Variants in TAOK1 observed in about 807,000 individuals in gnomAD.
TAOK1 encodes serine/threonine-protein kinase TAO1.
Under a neutral mutation model 138.3 loss-of-function variants are expected in TAOK1, and 21 were observed. The ratio of observed to expected loss-of-function variants is 0.15; its 90% CI spans 0.11 to 0.22. The LOEUF is 0.22. Ranked by LOEUF, TAOK1 falls within the 10% of genes least tolerant of loss-of-function variation. TAOK1 has a pLI of 1.00. For missense variants in TAOK1, 651 were observed against 1,227.7 expected, an observed-to-expected ratio of 0.53 and a Z score of 7.02; for synonymous variants, 361 against 398.4, an observed-to-expected ratio of 0.91 and a Z score of 1.12.
At chr17:29,439,193 TTC>T (rs1047947450) in intron 1 of TAOK1, among the ~76,000 whole-genome samples, 1 of 127,866 alleles carries the variant, frequency 7.8e-6, no homozygotes, top group African/African-American at 3.6e-5. Context: ...TCATGATAAT[TTC>T]TTTCTTTTTT....
At chr17:29,461,309 T>A (rs1381432385) in intron 2 of TAOK1, among the ~76,000 whole-genome samples, 1 of 152,348 alleles carries the variant, frequency 6.6e-6, no homozygotes, top group East Asian at 1.9e-4. Context: ...TGGTTATTCA[T>A]GAGAATGTTC....
intron 2 of TAOK1, among the ~76,000 whole-genome samples, chr17:29,452,542 T>G (rs2030266284): frequency 6.6e-6 from 1 of 152,192 alleles, no homozygotes; most frequent in Admixed American, 6.6e-5. Flanking sequence ...TTTTAATTAT[T>G]TTTTAACATT....
chr17:29,401,260 T>C (rs141743727), intron 1 of TAOK1, among the ~76,000 whole-genome samples: 7 of 152,250 alleles, frequency 4.6e-5, no homozygotes, highest in East Asian at 3.9e-4. Context: ...TACACTGTTA[T>C]AAAGACATAC....
At chr17:29,492,828 G>A (rs1364089302) in intron 10 of TAOK1, among the ~76,000 whole-genome samples, 7 of 151,816 alleles carry the variant, frequency 4.6e-5, no homozygotes, top group Non-Finnish European at 1.0e-4. Context: ...AAGGTTTTAT[G>A]TTTTTGGATG....
At chr17:29,509,278 T>G (rs766691890) in intron 14 of TAOK1, among the ~76,000 whole-genome samples, 63 of 152,266 alleles carry the variant, frequency 4.1e-4, no homozygotes, top group Non-Finnish European at 7.3e-4. Context: ...CAAACAATTC[T>G]CCTGCCTCAG....
At chr17:29,525,243 G>T (rs1225432440) in intron 17 of TAOK1, among the ~76,000 whole-genome samples, 1 of 151,008 alleles carries the variant, frequency 6.6e-6, no homozygotes. Flanking sequence ...CTCCCAAGTA[G>T]CTGGGATTAC....
chr17:29,458,866 A>AATTTAT (rs2030461515), intron 2 of TAOK1, among the ~76,000 whole-genome samples: 1 of 151,552 alleles, frequency 6.6e-6, no homozygotes, highest in Non-Finnish European at 1.5e-5. Context: ...AGGTAATTTT[A>AATTTAT]TTTTATTTTT....
chr17:29,419,163 C>T (rs1437330145), intron 1 of TAOK1, among the ~76,000 whole-genome samples: 1 of 151,898 alleles, frequency 6.6e-6, no homozygotes, highest in African/African-American at 2.4e-5. Flanking sequence ...ATCGTGCACA[C>T]ATTTGTTAGA....
intron 1 of TAOK1, among the ~76,000 whole-genome samples, chr17:29,435,509 TTGAAACACCTA>T (rs566663394): frequency 1.3e-3 from 194 of 152,294 alleles, no homozygotes; most frequent in African/African-American, 4.5e-3. Context: ...AGATAAGACC[TTGAAACACCTA>T]TGAGTTGGGT....
chr17:29,453,831 G>C (rs1328504864), intron 2 of TAOK1, among the ~76,000 whole-genome samples: 1 of 144,674 alleles, frequency 6.9e-6, no homozygotes, highest in African/African-American at 2.6e-5. Flanking sequence ...TTTGAGACAG[G>C]GTCTCTCACT....
rs1197400284 is a variant in TAOK1 at position 29,547,775 on chromosome 17, AT to A, written c.*4755del. 6.6e-6 allele frequency: 1 copy of A among 152,062 alleles called. No homozygotes were observed. Among genetic ancestry groups the A allele is most frequent in the Non-Finnish European group, 1.5e-5 (1 of 67,976 alleles). 9.4% of individuals were successfully genotyped at this position (152,062 alleles called of 1,614,324 possible). Reference sequence around the variant, plus strand: ...ATAGTGCCCCCAACCAGGTTGTAGCATTGCCTTTTAAAAGAGACTCACTCAC... The same window carrying A: ...ATAGTGCCCCCAACCAGGTTGTAGCATGCCTTTTAAAAGAGACTCACTCAC... On this transcript the variant is annotated 3_prime_UTR_variant, in exon 20 of 20. Transcript: ENST00000261716.
chr17:29,503,437 TA>T, intron 13 of TAOK1, among the ~76,000 whole-genome samples: 1 of 143,642 alleles, frequency 7.0e-6, no homozygotes, highest in South Asian at 2.3e-4. Context: ...AGTAAGGAAA[TA>T]TATTATGTGG....
intron 11 of TAOK1, among the ~76,000 whole-genome samples, chr17:29,497,802 T>G (rs915998722): frequency 6.6e-6 from 1 of 151,798 alleles, no homozygotes; most frequent in Non-Finnish European, 1.5e-5. Context: ...AAAGGCTGAT[T>G]TAATAAAGAA....
At chr17:29,495,385 G>A (rs1483760809) in intron 10 of TAOK1, among the ~76,000 whole-genome samples, 175 bp from the exon 11 acceptor site, 1 of 152,108 alleles carries the variant, frequency 6.6e-6, no homozygotes, top group Non-Finnish European at 1.5e-5. Flanking sequence ...AGTTATGTAT[G>A]CACAGAGTAT....
chr17:29,489,830 T>C (rs2031259405), intron 9 of TAOK1, 73 bp downstream of exon 9: 1 of 1,128,910 alleles, frequency 8.9e-7, no homozygotes, highest in Non-Finnish European at 1.3e-6. Flanking sequence ...GTTATCAAAG[T>C]GATTTAATTT....
At chr17:29,455,876 GGT>G (rs1459547106) in intron 2 of TAOK1, among the ~76,000 whole-genome samples, 1 of 149,870 alleles carries the variant, frequency 6.7e-6, no homozygotes, top group East Asian at 1.9e-4. Flanking sequence ...TTGCTAGTAT[GGT>G]GTTGGGAATT....
In TAOK1 at chr17:29,459,401, C is replaced by G. The variant is rs1050592750; in HGVS notation, c.132+7721C>G. Among the ~76,000 whole-genome samples the G allele has an allele frequency of 2.0e-5, 3 of 152,106 alleles. No individual in the cohort carries two copies. In the South Asian group the frequency reaches 6.2e-4, roughly 31 times the overall value. On this transcript the variant is annotated intron_variant, in intron 2 of 19. Coordinates refer to ENST00000261716, the MANE Select transcript of TAOK1 (RefSeq NM_020791.4). ...GGTTCAAGTGATTCTCCTATCTCAG[C>G]CTCCCGAGTAGCTGAGATTACAGGC...
chr17:29,533,089 C>T (rs2032155009), intron 18 of TAOK1, among the ~76,000 whole-genome samples: 1 of 145,058 alleles, frequency 6.9e-6, no homozygotes, highest in African/African-American at 2.5e-5. Context: ...GACGGGGTGG[C>T]TGCCGGGCGG....
chr17:29,524,816 G>A (rs538373679), intron 17 of TAOK1, among the ~76,000 whole-genome samples: 2 of 152,260 alleles, frequency 1.3e-5, no homozygotes, highest in South Asian at 4.1e-4. Flanking sequence ...GATTTGTGGG[G>A]GTGGGGTGCT....
Sources: allele counts gnomAD v4.1 joint callset (sites outside exome capture counted in the v4.1 genomes callset), GRCh38; gene constraint gnomAD v4.1.1; transcripts MANE v1.5; gene names NCBI Gene and HGNC (gene_info 2026-07-23, HGNC 2026-07-21).